Variants in DNAJC5B observed in about 807,000 individuals in gnomAD.
DNAJC5B encodes dnaJ homolog subfamily C member 5B.
A neutral mutation model predicts 24.7 loss-of-function variants in DNAJC5B; 23 were observed. The ratio of observed to expected loss-of-function variants is 0.93; its 90% CI spans 0.67 to 1.32. The LOEUF is 1.32. DNAJC5B is among the 40% of genes most tolerant of loss of function. The pLI, the probability that DNAJC5B is intolerant of heterozygous loss-of-function variation, is 0.00. For missense variants in DNAJC5B, 238 were observed against 240.8 expected (o/e 0.99, Z 0.08); for synonymous variants, 101 against 90.1 (o/e 1.12, Z -0.68).
intron 3 of DNAJC5B, among the ~76,000 whole-genome samples, chr8:66,061,761 C>T (rs1373834222): frequency 6.6e-6 from 1 of 152,012 alleles, no homozygotes; most frequent in East Asian, 1.9e-4. Context: ...ACATTCTTTG[C>T]ATCTGTTTAA....
intron 3 of DNAJC5B, among the ~76,000 whole-genome samples, chr8:66,065,328 T>G (rs989685660): frequency 2.6e-5 from 4 of 152,264 alleles, no homozygotes; most frequent in African/African-American, 9.6e-5. Flanking sequence ...ATCATAGGAT[T>G]GTGTAATGTG....
At chr8:66,079,535 G>A (rs967695047) in intron 4 of DNAJC5B, among the ~76,000 whole-genome samples, 2 of 152,182 alleles carry the variant, frequency 1.3e-5, no homozygotes, top group Non-Finnish European at 2.9e-5. Flanking sequence ...TGGGGAACTG[G>A]GAGGTGGACG....
At chr8:66,089,109 A>T (rs555297077) in intron 5 of DNAJC5B, among the ~76,000 whole-genome samples, 8 of 152,332 alleles carry the variant, frequency 5.3e-5, no homozygotes, top group African/African-American at 1.9e-4. Context: ...ACAGTTCTGC[A>T]TGGCTGGGGA....
intron 1 of DNAJC5B, among the ~76,000 whole-genome samples, chr8:66,034,087 C>T (rs1174429990): frequency 6.6e-6 from 1 of 152,040 alleles, no homozygotes; most frequent in Non-Finnish European, 1.5e-5. Flanking sequence ...TAACACTTGC[C>T]CTGCCTACCT....
chr8:66,053,468 T>C (rs1275283865), intron 3 of DNAJC5B, among the ~76,000 whole-genome samples: 5 of 152,242 alleles, frequency 3.3e-5, no homozygotes, highest in Non-Finnish European at 5.9e-5. Flanking sequence ...TTGCTTACTG[T>C]AGAAATTTTG....
intron 1 of DNAJC5B, among the ~76,000 whole-genome samples, chr8:66,029,271 A>C (rs564250215): frequency 6.6e-6 from 1 of 152,334 alleles, no homozygotes; most frequent in East Asian, 1.9e-4. Flanking sequence ...GAATGTTTTG[A>C]GACAGGGAAC....
intron 5 of DNAJC5B, among the ~76,000 whole-genome samples, chr8:66,089,250 A>G (rs1476074579): frequency 6.6e-6 from 1 of 152,094 alleles, no homozygotes; most frequent in East Asian, 1.9e-4. Flanking sequence ...TCTTGTAATA[A>G]CTCACTATCA....
intron 2 of DNAJC5B, among the ~76,000 whole-genome samples, chr8:66,043,853 G>T (rs1347480233): frequency 2.0e-5 from 3 of 149,622 alleles, no homozygotes; most frequent in Admixed American, 1.3e-4. Context: ...TTGAGATGGG[G>T]TCTCACTCTG....
intron 3 of DNAJC5B, among the ~76,000 whole-genome samples, chr8:66,068,459 G>A (rs1056835377): frequency 1.3e-5 from 2 of 151,224 alleles, no homozygotes; most frequent in Non-Finnish European, 3.0e-5. Flanking sequence ...AGATAGCTTA[G>A]AAGAAAATAC....
chr8:66,027,788 C>T (rs1806278534), intron 1 of DNAJC5B, among the ~76,000 whole-genome samples: 1 of 152,224 alleles, frequency 6.6e-6, no homozygotes, highest in African/African-American at 2.4e-5. Flanking sequence ...TATCTCCTCT[C>T]ATACTATGTC....
chr8:66,082,166 A>G (rs1335813624), intron 5 of DNAJC5B, among the ~76,000 whole-genome samples: 1 of 152,116 alleles, frequency 6.6e-6, no homozygotes, highest in African/African-American at 2.4e-5. Context: ...CATAACATCC[A>G]TCAGCCCAGC....
intron 1 of DNAJC5B, among the ~76,000 whole-genome samples, chr8:66,028,814 C>T (rs1340227621): frequency 2.0e-5 from 3 of 152,184 alleles, no homozygotes; most frequent in Admixed American, 1.3e-4. Context: ...TCGTTGGCCA[C>T]GCCTTTCTAA....
At chr8:66,099,674 A>G (rs1213362306) in intron 5 of DNAJC5B, among the ~76,000 whole-genome samples, 2 of 152,226 alleles carry the variant, frequency 1.3e-5, no homozygotes, top group African/African-American at 2.4e-5. Context: ...CTAAAGTTCA[A>G]GTTCACCAGG....
chr8:66,020,671 T>G (rs1044104336), upstream of DNAJC5B, among the ~76,000 whole-genome samples: 1 of 150,458 alleles, frequency 6.6e-6, no homozygotes, highest in Non-Finnish European at 1.5e-5. Flanking sequence ...AAGGTTTCAT[T>G]CTGCCGTCCA....
At chr8:66,047,010 C>G (rs1259258764) in intron 2 of DNAJC5B, among the ~76,000 whole-genome samples, 4 of 152,234 alleles carry the variant, frequency 2.6e-5, no homozygotes, top group Non-Finnish European at 4.4e-5. Flanking sequence ...AAATCATCAA[C>G]AGATTCCAAT....
intron 1 of DNAJC5B, among the ~76,000 whole-genome samples, chr8:66,033,769 G>T (rs1028587055): frequency 8.4e-6 from 1 of 119,242 alleles, no homozygotes. Context: ...AGATCATTCC[G>T]CTTTTTTTTT....
chr8:66,022,777 A>G (rs114685193), intron 1 of DNAJC5B, among the ~76,000 whole-genome samples: 212 of 152,380 alleles, frequency 1.4e-3, no homozygotes, highest in African/African-American at 4.8e-3. Context: ...ATACTTGCAC[A>G]TAAACTTCAT....
At chr8:66,028,772 T>C (rs1806300355) in intron 1 of DNAJC5B, among the ~76,000 whole-genome samples, 1 of 152,166 alleles carries the variant, frequency 6.6e-6, no homozygotes, top group Admixed American at 6.5e-5. Flanking sequence ...TCCTCTAAGA[T>C]CACTCATCTC....
At chr8:66,080,275 G>T in intron 4 of DNAJC5B, 102 bp from the exon 5 acceptor site, 1 of 1,505,350 alleles carries the variant, frequency 6.6e-7, no homozygotes. Context: ...ACTGTGAAGT[G>T]TTCAGGTCTC....
Sources: gnomAD v4.1 joint callset for allele counts (sites outside exome capture counted in the v4.1 genomes callset) on GRCh38, gnomAD v4.1.1 for gene constraint, MANE v1.5 for transcripts, NCBI Gene and HGNC (gene_info 2026-07-23, HGNC 2026-07-21) for gene names.